GALNT17: variants seen among roughly 807,000 people sequenced by gnomAD.
The protein encoded by GALNT17 is UDP-GalNAc:polypeptide N-acetylgalactosaminyltransferase-like 3.
GALNT17 carries 29 observed loss-of-function variants against 63.7 expected under a neutral mutation model. That is an observed-to-expected ratio of 0.46 (90% CI 0.34 to 0.62). GALNT17 has a LOEUF of 0.62. Ranked by LOEUF, GALNT17 falls within the 20% of genes least tolerant of loss-of-function variation. The pLI is 0.01. For missense variants in GALNT17, 603 were observed against 799.6 expected (o/e 0.75, Z 2.97); for synonymous variants, 305 against 318.3 (o/e 0.96, Z 0.45).
At chr7:71,439,371 C>T (rs1305304331) in intron 5 of GALNT17, among the ~76,000 whole-genome samples, 5 of 152,176 alleles carry the variant, frequency 3.3e-5, no homozygotes, top group South Asian at 2.1e-4. Context: ...ACCTAGGTAC[C>T]TTCTGCACCA....
intron 9 of GALNT17, among the ~76,000 whole-genome samples, chr7:71,698,101 C>A (rs7788085): frequency 2.2e-5 from 3 of 133,390 alleles, no homozygotes; most frequent in Non-Finnish European, 4.6e-5. Context: ...CCAGCCTGCG[C>A]GACAAGAGCA....
intron 2 of GALNT17, among the ~76,000 whole-genome samples, chr7:71,359,995 A>G (rs1792368521): frequency 6.6e-6 from 1 of 152,184 alleles, no homozygotes; most frequent in South Asian, 2.1e-4. Context: ...GCTTATGTGG[A>G]TGGGAATACT....
At chr7:71,694,586 G>A (rs1441406345) in intron 9 of GALNT17, among the ~76,000 whole-genome samples, 1 of 152,112 alleles carries the variant, frequency 6.6e-6, no homozygotes, top group African/African-American at 2.4e-5. Context: ...AGTAGAGACG[G>A]GGTTTCACCA....
At chr7:71,637,063 C>T (rs1562718465) in intron 6 of GALNT17, among the ~76,000 whole-genome samples, 2 of 152,148 alleles carry the variant, frequency 1.3e-5, no homozygotes, top group Non-Finnish European at 2.9e-5. Flanking sequence ...ATGGGCAGCA[C>T]AGTAGCACAT....
intron 1 of GALNT17, among the ~76,000 whole-genome samples, chr7:71,292,801 C>A (rs1791007544): frequency 6.6e-6 from 1 of 151,760 alleles, no homozygotes; most frequent in Admixed American, 6.6e-5. Context: ...ATTAGATCTT[C>A]AGAAATTGTT....
intron 6 of GALNT17, among the ~76,000 whole-genome samples, chr7:71,609,769 T>C (rs1347311520): frequency 1.3e-5 from 2 of 152,126 alleles, no homozygotes; most frequent in African/African-American, 4.8e-5. Flanking sequence ...TATGAGTATA[T>C]GGTGTCACCA....
chr7:71,666,769 G>A (rs1790991651), intron 7 of GALNT17, among the ~76,000 whole-genome samples: 1 of 151,844 alleles, frequency 6.6e-6, no homozygotes, highest in Non-Finnish European at 1.5e-5. Context: ...ATAATACAAT[G>A]TAAATGCTGT....
intron 1 of GALNT17, among the ~76,000 whole-genome samples, chr7:71,167,117 C>T (rs1788456744): frequency 6.7e-6 from 1 of 148,722 alleles, no homozygotes; most frequent in African/African-American, 2.5e-5. Flanking sequence ...AAACTCCTGG[C>T]CTCAAGTGAT....
intron 3 of GALNT17, among the ~76,000 whole-genome samples, chr7:71,402,670 G>A (rs944865389): frequency 6.6e-6 from 1 of 152,110 alleles, no homozygotes; most frequent in East Asian, 1.9e-4. Context: ...TGTATTCAAA[G>A]GTTGAAAGCA....
intron 1 of GALNT17, among the ~76,000 whole-genome samples, chr7:71,200,274 GT>G (rs1275348262): frequency 6.6e-6 from 1 of 152,182 alleles, no homozygotes; most frequent in Non-Finnish European, 1.5e-5. Context: ...CGTGCAAGAT[GT>G]TTGTAGATGG....
At chr7:71,662,859 G>C (rs569743789) in intron 6 of GALNT17, among the ~76,000 whole-genome samples, 1 of 152,136 alleles carries the variant, frequency 6.6e-6, no homozygotes, top group African/African-American at 2.4e-5. Flanking sequence ...CTTATGTTTA[G>C]GTCGTTGATC....
intron 6 of GALNT17, among the ~76,000 whole-genome samples, chr7:71,576,529 T>TGTGTG (rs1789539654): frequency 2.1e-5 from 3 of 142,814 alleles, no homozygotes; most frequent in South Asian, 2.4e-4. Flanking sequence ...TTTTTTAACT[T>TGTGTG]TGTGTGTGTG....
At chr7:71,460,124 C>T (rs1787426975) in intron 5 of GALNT17, among the ~76,000 whole-genome samples, 1 of 152,114 alleles carries the variant, frequency 6.6e-6, no homozygotes, top group African/African-American at 2.4e-5. Flanking sequence ...GTTCTTAGGA[C>T]CCCCTGAGGG....
chr7:71,162,123 C>CCTTCCTGCCTTCCTTCCTTCCTT (rs1788357249), intron 1 of GALNT17, among the ~76,000 whole-genome samples: 1 of 53,780 alleles, frequency 1.9e-5, no homozygotes, highest in Non-Finnish European at 3.1e-5. Flanking sequence ...CTCCCTCCCT[C>CCTTCCTGCCTTCCTTCCTTCCTT]CCTTCCTTCC....
intron 1 of GALNT17, among the ~76,000 whole-genome samples, chr7:71,168,762 T>C (rs1381306131): frequency 1.3e-5 from 2 of 151,804 alleles, no homozygotes; most frequent in East Asian, 1.9e-4. Flanking sequence ...TCTACTCTCT[T>C]AGCAAGTTTC....
chr7:71,205,227 C>T (rs1440390971), intron 1 of GALNT17, among the ~76,000 whole-genome samples: 1 of 140,734 alleles, frequency 7.1e-6, no homozygotes, highest in Non-Finnish European at 1.5e-5. Flanking sequence ...GATCTTTGCT[C>T]ATTGCAACCC....
chr7:71,592,496 A>AAAAATAAAAT lies in GALNT17; in HGVS notation c.1080+21136_1080+21145dup, dbSNP rs374557191. Reference sequence around the variant, plus strand: ...GGTGACAAGAGCGAAACTCCATTTCAAAAATAAAATAAAATAAAATAAAAT... The same window carrying AAAAATAAAAT: ...GGTGACAAGAGCGAAACTCCATTTCAAAAATAAAATAAAATAAAATAAAATAAAATAAAAT... On this transcript the variant is annotated intron_variant, in intron 6 of 10. Coordinates refer to ENST00000333538, the MANE Select transcript of GALNT17 (RefSeq NM_022479.3). Among the ~76,000 whole-genome samples the AAAAATAAAAT allele has an allele frequency of 4.8e-3, 434 of 90,814 alleles. 12 individuals carry two copies. Among genetic ancestry groups the AAAAATAAAAT allele is most frequent in the African/African-American group, 0.015 (360 of 23,354 alleles). 59.6% of individuals were successfully genotyped at this position (90,814 alleles called of 152,430 possible).
intron 1 of GALNT17, among the ~76,000 whole-genome samples, chr7:71,223,510 A>G (rs1349211360): frequency 6.6e-6 from 1 of 151,208 alleles, no homozygotes; most frequent in African/African-American, 2.4e-5. Flanking sequence ...ACATGACCCC[A>G]TAATCCCAAC....
In GALNT17 at chr7:71,282,489, A is replaced by G. The variant is rs565269819; in HGVS notation, c.239-53061A>G. Among the ~76,000 whole-genome samples the G allele has an allele frequency of 5.2e-5, 8 of 152,400 alleles. No individual in the cohort carries two copies. The South Asian group carries it at 1.4e-3, about 28-fold the overall frequency. ...CAGCATTTAGCACTGTGTCAGGCAC[A>G]TAGCAGATGCCCATTCCGTATTTGT... On this transcript the variant is annotated intron_variant, in intron 1 of 10. Coordinates refer to ENST00000333538, the MANE Select transcript of GALNT17 (RefSeq NM_022479.3).
Sources: allele counts gnomAD v4.1 joint callset (sites outside exome capture counted in the v4.1 genomes callset), GRCh38; gene constraint gnomAD v4.1.1; transcripts MANE v1.5; gene names NCBI Gene and HGNC (gene_info 2026-07-23, HGNC 2026-07-21).